NT5DC1: variants seen among roughly 807,000 people sequenced by gnomAD.
The protein encoded by NT5DC1 is 5'-nucleotidase domain-containing protein 1.
NT5DC1 carries 42 observed loss-of-function variants against 59.4 expected under a neutral mutation model. The observed-to-expected ratio is 0.71, with a 90% CI of 0.55 to 0.92. NT5DC1 has a LOEUF of 0.92. Ranked by LOEUF, NT5DC1 falls within the 40% of genes least tolerant of loss-of-function variation. The pLI, the probability that NT5DC1 is intolerant of heterozygous loss-of-function variation, is 0.00. For synonymous variants in NT5DC1, 172 were observed against 188.1 expected (o/e 0.91, Z 0.70); for missense variants, 501 against 537.1 (o/e 0.93, Z 0.66).
At position 116,134,689 on chromosome 6, in the gene NT5DC1, G is replaced by T. The variant is rs1362086090; in HGVS notation, c.529+16744G>T. On this transcript the variant is annotated intron_variant, in intron 6 of 11. Coordinates refer to ENST00000319550, the MANE Select transcript of NT5DC1 (RefSeq NM_152729.3). Reference sequence around the variant, plus strand: ...ATAATAACTTGGAATTCTTGTAGAGGTCCTAGTATTAACAACTTCTTCCCA... The same window carrying T: ...ATAATAACTTGGAATTCTTGTAGAGTTCCTAGTATTAACAACTTCTTCCCA... Among the ~76,000 whole-genome samples the T allele has an allele frequency of 3.3e-5, 5 of 152,242 alleles. No homozygotes were observed. The East Asian group carries it at 9.6e-4, about 29-fold the overall frequency.
chr6:116,169,367 A>G (rs1017419700), intron 6 of NT5DC1, among the ~76,000 whole-genome samples: 7 of 152,220 alleles, frequency 4.6e-5, no homozygotes, highest in Non-Finnish European at 1.5e-5. Flanking sequence ...AAATGAAAAC[A>G]TGTTATAGTT....
chr6:116,220,803 T>G (rs1401484452), intron 6 of NT5DC1, among the ~76,000 whole-genome samples: 1 of 151,952 alleles, frequency 6.6e-6, no homozygotes, highest in Non-Finnish European at 1.5e-5. Context: ...TTACCTGTTT[T>G]AACAGTTTAT....
At chr6:116,106,776 T>C (rs1416495976) in intron 2 of NT5DC1, among the ~76,000 whole-genome samples, 1 of 152,220 alleles carries the variant, frequency 6.6e-6, no homozygotes, top group Non-Finnish European at 1.5e-5. Flanking sequence ...TCGACATTCC[T>C]AAGACTCTTA....
chr6:116,172,317 C>CTTTTTTTTTTTTT (rs71554843), intron 6 of NT5DC1, among the ~76,000 whole-genome samples: 1 of 108,030 alleles, frequency 9.3e-6, no homozygotes, highest in Non-Finnish European at 1.8e-5. Context: ...CCCTTAGTAA[C>CTTTTTTTTTTTTT]TTTTTTTTTT....
At chr6:116,116,690 T>C (rs1778971661) in intron 5 of NT5DC1, among the ~76,000 whole-genome samples, 1 of 152,046 alleles carries the variant, frequency 6.6e-6, no homozygotes, top group African/African-American at 2.4e-5. Context: ...ACCCAGGTAA[T>C]GCTTTATTTG....
intron 5 of NT5DC1, among the ~76,000 whole-genome samples, chr6:116,116,440 G>C (rs914996616): frequency 3.9e-5 from 6 of 152,126 alleles, no homozygotes; most frequent in African/African-American, 1.4e-4. Flanking sequence ...TCAGGAGTTC[G>C]AGACCAGCCT....
intron 6 of NT5DC1, among the ~76,000 whole-genome samples, chr6:116,131,632 G>A (rs924115936): frequency 6.6e-6 from 1 of 152,118 alleles, no homozygotes; most frequent in Non-Finnish European, 1.5e-5. Context: ...TGCCCTATAG[G>A]TGGACATCTG....
intron 6 of NT5DC1, chr6:116,121,949 C>G (rs1215689338): frequency 6.2e-7 from 1 of 1,612,620 alleles, no homozygotes; most frequent in Admixed American, 1.7e-5. Context: ...TTGCTCTCCT[C>G]TTACTGCTAT....
Position 116,117,151 on chromosome 6 carries a change from T to C in NT5DC1, c.445-710T>C, listed in dbSNP as rs114344442. 8.7e-3 allele frequency among the ~76,000 whole-genome samples: 1,325 copies of C among 152,344 alleles called. 15 individuals are homozygous for C. The highest frequency in any genetic ancestry group is 0.03 in the African/African-American group (1,264 of 41,586). ...AGTCTTCTTAGTCCCATTGATGCCATAGTATGTTATATAACACATTCTGAT... is the reference window on the plus strand; with the variant it reads ...AGTCTTCTTAGTCCCATTGATGCCACAGTATGTTATATAACACATTCTGAT... On this transcript the variant is annotated intron_variant, in intron 5 of 11. Transcript: ENST00000319550.
intron 4 of NT5DC1, among the ~76,000 whole-genome samples, chr6:116,115,305 TATAGAGCGCTTCATGGTACTCCA>T (rs2114260935): frequency 1.3e-5 from 2 of 152,324 alleles, no homozygotes; most frequent in African/African-American, 4.8e-5. Flanking sequence ...AGCACTATTG[TATAGAGCGCTTCATGGTACTCCA>T]GGGTTAGGTA....
chr6:116,138,717 A>G (rs1779687924), intron 6 of NT5DC1, among the ~76,000 whole-genome samples: 1 of 152,144 alleles, frequency 6.6e-6, no homozygotes, highest in Admixed American at 6.5e-5. Context: ...CTAATATATG[A>G]ATCCTTACTA....
chr6:116,147,959 C>T (rs1454649222), intron 6 of NT5DC1, among the ~76,000 whole-genome samples: 1 of 150,890 alleles, frequency 6.6e-6, no homozygotes, highest in Non-Finnish European at 1.5e-5. Flanking sequence ...GCACTCCAGC[C>T]TGGCGACAGA....
chr6:116,193,246 T>C (rs563410743), intron 6 of NT5DC1, among the ~76,000 whole-genome samples: 1 of 152,098 alleles, frequency 6.6e-6, no homozygotes, highest in Non-Finnish European at 1.5e-5. Context: ...TGCCCCATAG[T>C]ATCCAGTAAT....
At chr6:116,105,084 T>C (rs1031997773) in intron 1 of NT5DC1, among the ~76,000 whole-genome samples, 7 of 152,202 alleles carry the variant, frequency 4.6e-5, no homozygotes, top group Admixed American at 4.6e-4. Context: ...TGGATGGAAG[T>C]ACATGTGTAG....
intron 1 of NT5DC1, among the ~76,000 whole-genome samples, chr6:116,102,253 G>T (rs1321524279): frequency 6.6e-6 from 1 of 152,176 alleles, no homozygotes; most frequent in African/African-American, 2.4e-5. Context: ...TCAGGTACAC[G>T]TTAAAGGTCA....
intron 6 of NT5DC1, among the ~76,000 whole-genome samples, chr6:116,201,768 C>T (rs1216099853): frequency 6.6e-6 from 1 of 152,016 alleles, no homozygotes; most frequent in Non-Finnish European, 1.5e-5. Context: ...CCACTTGATT[C>T]TGGGCAGAGT....
chr6:116,220,017 A>T (rs1326647273), intron 6 of NT5DC1, among the ~76,000 whole-genome samples: 1 of 150,382 alleles, frequency 6.6e-6, no homozygotes, highest in Admixed American at 6.6e-5. Flanking sequence ...GATATTCTTG[A>T]AATATAACTG....
chr6:116,197,976 G>C (rs373510088), intron 6 of NT5DC1, among the ~76,000 whole-genome samples: 1 of 152,090 alleles, frequency 6.6e-6, no homozygotes, highest in Non-Finnish European at 1.5e-5. Context: ...ATAGAGGGCA[G>C]TGGCAATTTA....
rs764873689 is a variant in NT5DC1, at chr6:116,221,034, T to C, written c.530-20T>C. 38 of 1,192,220 alleles carry C rather than the reference T, an allele frequency of 3.2e-5. No homozygotes were observed. Among genetic ancestry groups the C allele is most frequent in the Middle Eastern group, 2.9e-4 (1 of 3,460 alleles). 73.9% of individuals were successfully genotyped at this position (1,192,220 alleles called of 1,614,324 possible). Reference sequence around the variant, plus strand: ...AAAATGTTTAAAAAGAAAAACCTCATTGATATTTTTATTTTTCAGAAAACT... The same window carrying C: ...AAAATGTTTAAAAAGAAAAACCTCACTGATATTTTTATTTTTCAGAAAACT... On this transcript the variant is annotated intron_variant, in intron 6 of 11. Transcript: ENST00000319550.
Sources: allele counts gnomAD v4.1 joint callset (sites outside exome capture counted in the v4.1 genomes callset), GRCh38; gene constraint gnomAD v4.1.1; transcripts MANE v1.5; gene names NCBI Gene and HGNC (gene_info 2026-07-23, HGNC 2026-07-21).